Variants in IL15RA observed in about 807,000 individuals in gnomAD.
IL15RA encodes the protein interleukin-15 receptor subunit alpha.
IL15RA carries 26 observed loss-of-function variants against 24.2 expected under a neutral mutation model. The ratio of observed to expected loss-of-function variants is 1.07; its 90% CI spans 0.79 to 1.49. The LOEUF is 1.49. Ranked by LOEUF, IL15RA falls within the 40% of genes most tolerant of loss-of-function variation. IL15RA has a pLI of 0.00. For synonymous variants in IL15RA, 166 were observed against 157.6 expected (o/e 1.05, Z -0.40); for missense variants, 354 against 356.4 (o/e 0.99, Z 0.05).
Position 5,966,184 on chromosome 10 carries a change from T to C in IL15RA, c.244A>G (p.Asn82Asp). The C allele has an allele frequency of 1.2e-6, 2 of 1,612,976 alleles. No homozygotes were observed. Among genetic ancestry groups the C allele is most frequent in the East Asian group, 2.2e-5 (1 of 44,842 alleles). The change falls in exon 2 of 7, where the codon AAT (asparagine) becomes GAT (aspartate). Residue 82 changes from asparagine to aspartate, a missense_variant. Transcript: ENST00000379977. The surrounding 1 kb of genome is among the most constrained non-coding windows in gnomAD (Gnocchi z 6.4). ...CTGGGGGTTGTCCAGTGGGCGACAT[T>C]CGTGGCCTTGTTCAACACGCACTCC... is the stretch of plus-strand genomic sequence containing the variant. ...LTECVLNKAT[N>D]VAHWTTPSLK...
At chr10:5,969,066 C>T (rs563306965) in intron 1 of IL15RA, 31 of 1,155,692 alleles carry the variant, frequency 2.7e-5, no homozygotes, top group Middle Eastern at 2.1e-4. Flanking sequence ...TCGATTCCAT[C>T]GATCTATGTG....
At chr10:5,977,794 C>T (rs1035411126), upstream of IL15RA, 34 of 462,326 alleles carry the variant, frequency 7.4e-5, no homozygotes, top group Non-Finnish European at 1.4e-5. Flanking sequence ...AGCCCGGGAG[C>T]CTCCCGGTCC....
rs1836969290 is a variant in IL15RA, at chr10:5,968,378, A to C, written c.89-2039T>G. Among the ~76,000 whole-genome samples, 1 of 151,936 alleles carries C rather than the reference A, an allele frequency of 6.6e-6. No homozygotes were observed. Among genetic ancestry groups the C allele is most frequent in the African/African-American group, 2.4e-5 (1 of 41,346 alleles). ...GGAGGGGAGAAATCTCAAATTCAAG[A>C]TTGTTCTTTCCATTCAACTCCCATC... is the stretch of plus-strand genomic sequence containing the variant. On this transcript the variant is annotated intron_variant, in intron 1 of 6. Transcript: ENST00000379977. The surrounding 1 kb of genome is among the most constrained non-coding windows in gnomAD (Gnocchi z 5.4).
In IL15RA at chr10:5,975,019, CAA is replaced by C. The variant is rs34573843; in HGVS notation, c.88+2384_88+2385del. 6.9e-6 allele frequency among the ~76,000 whole-genome samples: 1 copy of C among 144,302 alleles called. No individual in the cohort carries two copies. The allele number at this position is 144,302 out of a possible 152,430, so 94.7% of individuals were successfully genotyped here. On this transcript the variant is annotated intron_variant, in intron 1 of 6. Coordinates refer to ENST00000379977, the MANE Select transcript of IL15RA (RefSeq NM_002189.4). This position sits in a 1 kb window ranked among gnomAD's most constrained non-coding sequence, Gnocchi z 4.8. ...GGGAAACAATGGTGTGACATTGTTT[CAA>C]AAAAAAAAAAATTAAACATACACCT...
At chr10:5,977,844 G>T, upstream of IL15RA, 1 of 389,842 alleles carries the variant, frequency 2.6e-6, no homozygotes, top group East Asian at 3.7e-5. Context: ...GTGTGCACTC[G>T]GTCCGGTGTC....
chr10:5,950,479 T>C (rs1457713416), downstream of IL15RA, among the ~76,000 whole-genome samples: 1 of 152,168 alleles, frequency 6.6e-6, no homozygotes, highest in East Asian at 1.9e-4. This position sits in a 1 kb window ranked among gnomAD's most constrained non-coding sequence, Gnocchi z 5.6. Context: ...GCCCATTCAT[T>C]CACCCAAATA....
rs1837120817 is a variant in IL15RA, at chr10:5,969,078, C to CT, written c.89-2740dup. Reference sequence around the variant, plus strand: ...CAATCGATTCCATCGATCTATGTGTCTGTTTGTTTTGACACCAATACCGTG... The same window carrying CT: ...CAATCGATTCCATCGATCTATGTGTCTTGTTTGTTTTGACACCAATACCGTG... On this transcript the variant is annotated intron_variant, in intron 1 of 6. Coordinates refer to ENST00000379977, the MANE Select transcript of IL15RA (RefSeq NM_002189.4). The CT allele has an allele frequency of 2.7e-6, 3 of 1,107,076 alleles. No homozygotes were observed. In the South Asian group the frequency reaches 4.6e-5, roughly 17 times the overall value. 68.6% of individuals were successfully genotyped at this position (1,107,076 alleles called of 1,614,324 possible).
intron 5 of IL15RA, 70 bp from the exon 6 acceptor site, chr10:5,956,524 C>A: frequency 8.5e-7 from 1 of 1,172,518 alleles, no homozygotes; most frequent in Non-Finnish European, 1.3e-6. Context: ...AATTCTTTAC[C>A]ATGGATGTTC....
rs1414999463 is a variant in IL15RA, at chr10:5,971,590, G to A, written c.89-5251C>T. On this transcript the variant is annotated intron_variant, in intron 1 of 6. Transcript: ENST00000379977. The surrounding 1 kb of genome is among the most constrained non-coding windows in gnomAD (Gnocchi z 5.5). The stretch of plus-strand genomic sequence containing the variant: ...CGCTTACAGCACCTTTCAAATGCCT[G>A]CACGAGCTAAGGGTGGTAGGATTCA... Among the ~76,000 whole-genome samples the A allele has an allele frequency of 6.6e-6, 1 of 152,204 alleles. No homozygotes were observed. Among genetic ancestry groups the A allele is most frequent in the Non-Finnish European group, 1.5e-5 (1 of 68,048 alleles).
rs867964131 is a variant in IL15RA at position 5,961,707 on chromosome 10, C to T, written c.383-1140G>A. 6.6e-6 allele frequency among the ~76,000 whole-genome samples: 1 copy of T among 152,236 alleles called. No homozygotes were observed. The highest frequency in any genetic ancestry group is 1.5e-5 in the Non-Finnish European group (1 of 68,050). Reference sequence around the variant, plus strand: ...TCCCTGGAAGGTGGCTGCCCCTGCACTGTAAGGGTGTGGCGTAACTGTGCT... The same window carrying T: ...TCCCTGGAAGGTGGCTGCCCCTGCATTGTAAGGGTGTGGCGTAACTGTGCT... On this transcript the variant is annotated intron_variant, in intron 3 of 6. Coordinates refer to ENST00000379977, the MANE Select transcript of IL15RA (RefSeq NM_002189.4). The surrounding 1 kb of genome is among the most constrained non-coding windows in gnomAD (Gnocchi z 5.2).
At chr10:5,978,405 G>C (rs1242789631), upstream of IL15RA, among the ~76,000 whole-genome samples, 1 of 152,116 alleles carries the variant, frequency 6.6e-6, no homozygotes, top group Admixed American at 6.6e-5. This position sits in a 1 kb window ranked among gnomAD's most constrained non-coding sequence, Gnocchi z 5.2. Context: ...CTCAGGTCTA[G>C]CGGTGACATT....
rs1332045017 is a variant in IL15RA at position 5,965,789 on chromosome 10, C to T, written c.283+356G>A. ...AGGCTGGAGTGCAGTGGTGTGATCG[C>T]GGCTCACTGTGACCTCTACCTCCCG... On this transcript the variant is annotated intron_variant, in intron 2 of 6. Coordinates refer to ENST00000379977, the MANE Select transcript of IL15RA (RefSeq NM_002189.4). The surrounding 1 kb of genome is among the most constrained non-coding windows in gnomAD (Gnocchi z 5.8). Among the ~76,000 whole-genome samples the T allele has an allele frequency of 2.6e-5, 4 of 152,016 alleles. No individual in the cohort carries two copies. The highest frequency in any genetic ancestry group is 6.6e-5 in the Admixed American group (1 of 15,262).
chr10:5,960,636 G>A lies in IL15RA; in HGVS notation c.383-69C>T. 2.9e-6 allele frequency: 4 copies of A among 1,365,092 alleles called. No homozygotes were observed. The South Asian group carries it at 3.7e-5, about 12-fold the overall frequency. The allele number at this position is 1,365,092 out of a possible 1,614,324, so 84.6% of individuals were successfully genotyped here. A position where few individuals can be genotyped will look rare whatever the true frequency, so the allele number is the denominator to read the frequency against. On this transcript the variant is annotated intron_variant, in intron 3 of 6. Coordinates refer to ENST00000379977, the MANE Select transcript of IL15RA (RefSeq NM_002189.4). The surrounding 1 kb of genome is among the most constrained non-coding windows in gnomAD (Gnocchi z 5.1). ...CCCCTCCTCTCAGCTGCAGCACGGG[G>A]TGATGTGGGAGCTGCCATAGTGAGT...
At chr10:5,977,332 C>A in intron 1 of IL15RA, 73 bp downstream of exon 1, 1 of 715,332 alleles carries the variant, frequency 1.4e-6, no homozygotes. Flanking sequence ...GATGGGGCGC[C>A]CGGTTCCCTC....
Position 5,977,330 on chromosome 10 carries a change from G to A in IL15RA, c.88+75C>T, listed in dbSNP as rs1589272431. The A allele has an allele frequency of 4.4e-6, 3 of 688,210 alleles. No homozygotes were observed. In the East Asian group the frequency reaches 1.1e-4, roughly 24 times the overall value. The allele number at this position is 688,210 out of a possible 1,614,324, so 42.6% of individuals were successfully genotyped here. A position where few individuals can be genotyped will look rare whatever the true frequency, so the allele number is the denominator to read the frequency against. On this transcript the variant is annotated intron_variant, in intron 1 of 6. Transcript: ENST00000379977. ...CCCGCACGGCCCGGGGAGATGGGGC[G>A]CCCGGTTCCCTCCAGCTCCACGTCC...
At position 5,970,834 on chromosome 10, in the gene IL15RA, C is replaced by T. The variant is rs550804453; in HGVS notation, c.89-4495G>A. On this transcript the variant is annotated intron_variant, in intron 1 of 6. Transcript: ENST00000379977. This position sits in a 1 kb window ranked among gnomAD's most constrained non-coding sequence, Gnocchi z 4.1. ...AGAGCACAATGGCATGATTATGCCC[C>T]GCTGCAGCCTCAAACTCCTGGCCTT... Among the ~76,000 whole-genome samples, 10 of 151,670 alleles carry T rather than the reference C, an allele frequency of 6.6e-5. No homozygotes were observed. The South Asian group carries it at 1.2e-3, about 19-fold the overall frequency.
At chr10:5,976,332 G>T (rs138276366) in intron 1 of IL15RA, among the ~76,000 whole-genome samples, 176 of 152,338 alleles carry the variant, frequency 1.2e-3, no homozygotes, top group African/African-American at 4.1e-3. Flanking sequence ...GCAACTGTGC[G>T]TGGAATGGCT....
rs1314555857 is a variant in IL15RA at position 5,970,318 on chromosome 10, CTA to C, written c.89-3981_89-3980del. Among the ~76,000 whole-genome samples, 1 of 152,140 alleles carries C rather than the reference CTA, an allele frequency of 6.6e-6. No individual in the cohort carries two copies. Among genetic ancestry groups the C allele is most frequent in the Non-Finnish European group, 1.5e-5 (1 of 68,008 alleles). ...TCCCCCAAGCCCTTGTGCTATTGTT[CTA>C]TGTTTTGCTTTGACATATGTTATAC... is the stretch of plus-strand genomic sequence containing the variant. On this transcript the variant is annotated intron_variant, in intron 1 of 6. Transcript: ENST00000379977. The surrounding 1 kb of genome is among the most constrained non-coding windows in gnomAD (Gnocchi z 4.1).
rs1837119098 is a variant in IL15RA, at chr10:5,969,067, G to A, written c.89-2728C>T. 8.7e-6 allele frequency: 10 copies of A among 1,143,722 alleles called. No homozygotes were observed. The East Asian group carries it at 1.0e-4, about 12-fold the overall frequency. The allele number at this position is 1,143,722 out of a possible 1,614,324, so 70.8% of individuals were successfully genotyped here. A position where few individuals can be genotyped will look rare whatever the true frequency, so the allele number is the denominator to read the frequency against. ...GGCTGACTCACCAATCGATTCCATCGATCTATGTGTCTGTTTGTTTTGACA... is the reference window on the plus strand; with the variant it reads ...GGCTGACTCACCAATCGATTCCATCAATCTATGTGTCTGTTTGTTTTGACA... On this transcript the variant is annotated intron_variant, in intron 1 of 6. Transcript: ENST00000379977.
Sources: allele counts gnomAD v4.1 joint callset (sites outside exome capture counted in the v4.1 genomes callset), GRCh38; gene constraint gnomAD v4.1.1; non-coding constraint Gnocchi (gnomAD v3.1); transcripts MANE v1.5; gene names NCBI Gene and HGNC (gene_info 2026-07-23, HGNC 2026-07-21).